Variants in FHIT observed in about 807,000 individuals in gnomAD.
FHIT encodes fragile histidine triad diadenosine triphosphatase, also known as bis(5'-adenosyl)-triphosphatase.
In FHIT, 19 loss-of-function variants were observed where a neutral mutation model predicts 17.9. The observed-to-expected ratio is 1.06, with a 90% confidence interval of 0.74 to 1.56. The LOEUF (loss-of-function observed/expected upper bound fraction) is 1.56. Ranked by LOEUF, FHIT falls within the 40% of genes most tolerant of loss-of-function variation. FHIT has a pLI of 0.00. For missense variants in FHIT, 248 were observed against 189.2 expected, an observed-to-expected ratio of 1.31 and a Z score of -1.82; for synonymous variants, 81 against 69.7, an observed-to-expected ratio of 1.16 and a Z score of -0.81.
At chr3:60,207,882 A>C (rs1703274879) in intron 5 of FHIT, among the ~76,000 whole-genome samples, 1 of 152,146 alleles carries the variant, frequency 6.6e-6, no homozygotes. Context: ...TCTGCAGATA[A>C]ATTTGAAATT....
At chr3:59,959,856 C>T (rs62240086) in intron 7 of FHIT, among the ~76,000 whole-genome samples, 4 of 152,030 alleles carry the variant, frequency 2.6e-5, no homozygotes, top group Non-Finnish European at 5.9e-5. Flanking sequence ...GACCTGAGAG[C>T]TGAACTGATA....
intron 4 of FHIT, among the ~76,000 whole-genome samples, chr3:60,590,021 GACACATCTACAAGA>G (rs1457479859): frequency 6.6e-6 from 1 of 152,018 alleles, no homozygotes; most frequent in African/African-American, 2.4e-5. Context: ...TCCAAGAGAG[GACACATCTACAAGA>G]CTGCTGGAAG....
At chr3:60,556,439 A>G (rs896079209) in intron 4 of FHIT, among the ~76,000 whole-genome samples, 8 of 152,234 alleles carry the variant, frequency 5.3e-5, no homozygotes, top group Non-Finnish European at 1.2e-4. Flanking sequence ...TTTCACAGCA[A>G]CAAGAGCCTT....
chr3:60,071,916 C>A (rs1702790794), intron 5 of FHIT, among the ~76,000 whole-genome samples: 1 of 152,160 alleles, frequency 6.6e-6, no homozygotes, highest in African/African-American at 2.4e-5. Flanking sequence ...CTCTTGCCTG[C>A]CACCATGTAA....
chr3:60,171,985 C>T (rs1426428085), intron 5 of FHIT, among the ~76,000 whole-genome samples: 3 of 152,144 alleles, frequency 2.0e-5, no homozygotes, highest in African/African-American at 4.8e-5. Flanking sequence ...ATGCCTTTCA[C>T]GTATCAGGTA....
intron 4 of FHIT, among the ~76,000 whole-genome samples, chr3:60,703,247 GCAAGGGAGGGCCACC>G (rs2041289976): frequency 2.0e-5 from 3 of 152,154 alleles, no homozygotes; most frequent in Non-Finnish European, 4.4e-5. Context: ...GTAGGAAAAG[GCAAGGGAGGGCCACC>G]CCTTAGAGCC....
At chr3:60,533,878 G>T (rs1468100146) in intron 5 of FHIT, among the ~76,000 whole-genome samples, 1 of 152,122 alleles carries the variant, frequency 6.6e-6, no homozygotes, top group African/African-American at 2.4e-5. Flanking sequence ...TATGGTCAGG[G>T]CTGTGGTTCA....
At chr3:61,086,987 T>C (rs898556793) in intron 2 of FHIT, among the ~76,000 whole-genome samples, 6 of 152,230 alleles carry the variant, frequency 3.9e-5, no homozygotes, top group East Asian at 1.9e-4. Flanking sequence ...GTTCTTCTAA[T>C]CCCATTGGGT....
intron 2 of FHIT, among the ~76,000 whole-genome samples, chr3:61,166,050 C>G (rs927039060): frequency 2.0e-5 from 3 of 152,146 alleles, no homozygotes; most frequent in African/African-American, 7.2e-5. Flanking sequence ...GCAAAGCGTG[C>G]ATAGGGCTCT....
chr3:60,417,379 G>A (rs242189), intron 5 of FHIT, among the ~76,000 whole-genome samples: 4,173 of 152,166 alleles, frequency 0.027, 97 homozygotes, highest in African/African-American at 0.062. Context: ...GAATGAGGTC[G>A]GTCACTTTTG....
intron 4 of FHIT, among the ~76,000 whole-genome samples, chr3:60,547,528 A>G (rs776104203): frequency 2.6e-5 from 4 of 152,110 alleles, no homozygotes; most frequent in Non-Finnish European, 4.4e-5. Flanking sequence ...TTTATTTGGG[A>G]CTAAAAATAT....
intron 7 of FHIT, among the ~76,000 whole-genome samples, chr3:59,967,796 GAAGAA>G (rs932874217): frequency 6.6e-6 from 1 of 151,752 alleles, no homozygotes; most frequent in African/African-American, 2.4e-5. Context: ...GGAGGATGGA[GAAGAA>G]AAGATTAGAT....
chr3:60,242,721 CCTT>C (rs896596838), intron 5 of FHIT, among the ~76,000 whole-genome samples: 2 of 151,902 alleles, frequency 1.3e-5, no homozygotes, highest in Non-Finnish European at 2.9e-5. Context: ...TGCTTTTGCC[CCTT>C]CTTCTCTCTT....
At chr3:61,018,841 G>A (rs771628001) in intron 3 of FHIT, among the ~76,000 whole-genome samples, 1 of 151,972 alleles carries the variant, frequency 6.6e-6, no homozygotes, top group Non-Finnish European at 1.5e-5. Flanking sequence ...TTAAGCCCCT[G>A]TTGAAACTAT....
intron 5 of FHIT, among the ~76,000 whole-genome samples, chr3:60,444,976 C>T (rs1163526539): frequency 1.3e-5 from 2 of 152,046 alleles, no homozygotes; most frequent in South Asian, 2.1e-4. Context: ...ACCCTAGTTC[C>T]GTTAGATTGA....
At chr3:61,154,430 T>C (rs1285775780) in intron 2 of FHIT, among the ~76,000 whole-genome samples, 4 of 152,048 alleles carry the variant, frequency 2.6e-5, no homozygotes, top group Admixed American at 2.6e-4. Flanking sequence ...ATTTTAAAAA[T>C]ATATAAAGAG....
chr3:61,205,184 G>C (rs2039179892), intron 1 of FHIT, among the ~76,000 whole-genome samples: 1 of 151,792 alleles, frequency 6.6e-6, no homozygotes, highest in Non-Finnish European at 1.5e-5. Context: ...GTATTCCATG[G>C]TGTATATGTG....
At chr3:61,009,876 T>C (rs1182393976) in intron 3 of FHIT, among the ~76,000 whole-genome samples, 1 of 152,190 alleles carries the variant, frequency 6.6e-6, no homozygotes, top group Non-Finnish European at 1.5e-5. Flanking sequence ...TGGTTACAAA[T>C]ACCCTTTAGG....
chr3:60,948,538 A>C (rs553611230), intron 3 of FHIT, among the ~76,000 whole-genome samples: 1 of 152,320 alleles, frequency 6.6e-6, no homozygotes, highest in Non-Finnish European at 1.5e-5. Context: ...CCACTGTCAA[A>C]GACAGCCATC....
Sources: allele counts gnomAD v4.1 joint callset (sites outside exome capture counted in the v4.1 genomes callset), GRCh38; gene constraint gnomAD v4.1.1; transcripts MANE v1.5; gene names NCBI Gene and HGNC (gene_info 2026-07-23, HGNC 2026-07-21).